The following LRMDA variants were observed in gnomAD, a reference collection of about 807,000 sequenced individuals.
LRMDA encodes the protein leucine rich melanocyte differentiation associated.
A neutral mutation model predicts 29.8 loss-of-function variants in LRMDA; 18 were observed. The observed-to-expected ratio is 0.60, with a 90% CI of 0.42 to 0.90. The LOEUF is 0.90. Among genes scored for constraint, LRMDA ranks in the 40% least tolerant of loss-of-function variants. LRMDA has a pLI of 0.00. For missense variants in LRMDA, 273 were observed against 273.9 expected, an observed-to-expected ratio of 1.00 and a Z score of 0.02; for synonymous variants, 125 against 109.4, an observed-to-expected ratio of 1.14 and a Z score of -0.89.
chr10:76,455,294 T>C (rs933088082), intron 6 of LRMDA, among the ~76,000 whole-genome samples: 1 of 152,172 alleles, frequency 6.6e-6, no homozygotes, highest in Non-Finnish European at 1.5e-5. Flanking sequence ...AAATATAAGA[T>C]ATATTGATGG....
rs367552302 is a variant in LRMDA, at chr10:75,750,205, C to T, written c.132-285803C>T. On this transcript the variant is annotated intron_variant, in intron 2 of 6. Coordinates refer to ENST00000611255, the MANE Select transcript of LRMDA (RefSeq NM_001305581.2). ...CTCCTCACTTCCCAGATGGGGTGGT[C>T]GGGCAGAGGCGCCCCCCACCTCCCG... 1.8e-4 allele frequency among the ~76,000 whole-genome samples: 26 copies of T among 142,374 alleles called. No individual in the cohort carries two copies. The East Asian group carries it at 2.0e-3, about 11-fold the overall frequency. The allele number at this position is 142,374 out of a possible 152,430, so 93.4% of individuals were successfully genotyped here.
Position 75,657,712 on chromosome 10 carries a change from T to C in LRMDA, c.131+219218T>C, listed in dbSNP as rs1421574815. Reference sequence around the variant, plus strand: ...AATGGCATTTGACCTGTAATGGTATTTAGGTTTGCTTCCAGGGTGAGAGAG... The same window carrying C: ...AATGGCATTTGACCTGTAATGGTATCTAGGTTTGCTTCCAGGGTGAGAGAG... On this transcript the variant is annotated intron_variant, in intron 2 of 6. Coordinates refer to ENST00000611255, the MANE Select transcript of LRMDA (RefSeq NM_001305581.2). 2.0e-5 allele frequency among the ~76,000 whole-genome samples: 3 copies of C among 152,162 alleles called. No homozygotes were observed. In the East Asian group the frequency reaches 5.8e-4, roughly 29 times the overall value.
At chr10:75,702,256 C>T (rs1842317163) in intron 2 of LRMDA, among the ~76,000 whole-genome samples, 1 of 152,182 alleles carries the variant, frequency 6.6e-6, no homozygotes, top group African/African-American at 2.4e-5. Context: ...TGCAGACCAT[C>T]ATCTCTCAGA....
At chr10:75,836,892 T>C (rs1200113200) in intron 2 of LRMDA, among the ~76,000 whole-genome samples, 3 of 152,212 alleles carry the variant, frequency 2.0e-5, no homozygotes, top group Admixed American at 1.3e-4. Context: ...AGGTGCATTA[T>C]AATGTCATTG....
chr10:75,874,436 G>T (rs1417871531), intron 2 of LRMDA, among the ~76,000 whole-genome samples: 3 of 152,172 alleles, frequency 2.0e-5, no homozygotes, highest in Non-Finnish European at 4.4e-5. Flanking sequence ...TTAAAATGGG[G>T]CAGAATTGTT....
chr10:75,798,645 T>C (rs1435875660), intron 2 of LRMDA, among the ~76,000 whole-genome samples: 1 of 152,140 alleles, frequency 6.6e-6, no homozygotes, highest in African/African-American at 2.4e-5. Flanking sequence ...CATCCATGGA[T>C]TATGCTATGT....
chr10:76,378,858 C>CTTTTTTTTTCT (rs1554817037), intron 6 of LRMDA, among the ~76,000 whole-genome samples: 77 of 118,968 alleles, frequency 6.5e-4, no homozygotes, highest in African/African-American at 2.4e-3. Context: ...CTTTTTTTTT[C>CTTTTTTTTTCT]TTTTTTTTTT....
intron 2 of LRMDA, among the ~76,000 whole-genome samples, chr10:76,012,197 G>A (rs1281087312): frequency 1.3e-5 from 2 of 152,168 alleles, no homozygotes; most frequent in African/African-American, 4.8e-5. Context: ...CAAGCCCTTG[G>A]TCTGCACTGG....
At chr10:75,637,712 G>A (rs137972141) in intron 2 of LRMDA, among the ~76,000 whole-genome samples, 1 of 152,308 alleles carries the variant, frequency 6.6e-6, no homozygotes, top group African/African-American at 2.4e-5. Flanking sequence ...ATTTTACATT[G>A]ATCACGGGAG....
At chr10:75,709,530 G>A (rs935543725) in intron 2 of LRMDA, among the ~76,000 whole-genome samples, 1 of 151,956 alleles carries the variant, frequency 6.6e-6, no homozygotes. Flanking sequence ...CATATCTCTT[G>A]GTGGTTTCTG....
intron 6 of LRMDA, among the ~76,000 whole-genome samples, chr10:76,465,337 C>T (rs779532147): frequency 1.3e-5 from 2 of 152,054 alleles, no homozygotes; most frequent in Non-Finnish European, 2.9e-5. Context: ...AATTGTAAGA[C>T]CTGTGTGTGT....
chr10:76,118,072 C>T (rs1267215712), intron 5 of LRMDA, among the ~76,000 whole-genome samples: 1 of 152,150 alleles, frequency 6.6e-6, no homozygotes, highest in Non-Finnish European at 1.5e-5. Context: ...CCCAGCTTTG[C>T]TTTTAGTAGG....
chr10:76,111,248 T>C (rs1357404509), intron 5 of LRMDA, among the ~76,000 whole-genome samples: 1 of 152,268 alleles, frequency 6.6e-6, no homozygotes, highest in African/African-American at 2.4e-5. Flanking sequence ...CATGTCTTTA[T>C]GTGTTATTTT....
intron 5 of LRMDA, among the ~76,000 whole-genome samples, chr10:76,155,720 C>T (rs533703582): frequency 3.7e-4 from 57 of 152,164 alleles, no homozygotes; most frequent in Admixed American, 3.1e-3. Context: ...ATTGTTTAAG[C>T]GCCTAAACTT....
At chr10:75,468,162 G>T (rs556777703) in intron 2 of LRMDA, among the ~76,000 whole-genome samples, 2 of 152,288 alleles carry the variant, frequency 1.3e-5, no homozygotes, top group East Asian at 3.9e-4. Context: ...TTTGATTTTA[G>T]GGGAGAGGTT....
intron 5 of LRMDA, among the ~76,000 whole-genome samples, chr10:76,147,717 G>A (rs58327644): frequency 0.11 from 17,218 of 152,086 alleles, 1,117 homozygotes; most frequent in East Asian, 0.24. Flanking sequence ...GCTTTGTTCC[G>A]TTGCTGGTGA....
At chr10:76,126,120 C>T (rs1231259295) in intron 5 of LRMDA, among the ~76,000 whole-genome samples, 2 of 152,198 alleles carry the variant, frequency 1.3e-5, no homozygotes, top group East Asian at 3.9e-4. Flanking sequence ...CTGACTAACA[C>T]ATTCCCGGAC....
intron 5 of LRMDA, among the ~76,000 whole-genome samples, chr10:76,158,938 A>G (rs759922320): frequency 9.9e-5 from 15 of 152,186 alleles, no homozygotes; most frequent in Non-Finnish European, 1.9e-4. Context: ...AATTAGATAG[A>G]TAAAATGCAT....
intron 2 of LRMDA, among the ~76,000 whole-genome samples, chr10:75,734,246 CAA>C (rs1842733273): frequency 6.6e-6 from 1 of 152,040 alleles, no homozygotes; most frequent in Non-Finnish European, 1.5e-5. Flanking sequence ...AGAGCTGAGT[CAA>C]AAGAGAGAAA....
Sources: gnomAD v4.1 joint callset for allele counts (sites outside exome capture counted in the v4.1 genomes callset) on GRCh38, gnomAD v4.1.1 for gene constraint, MANE v1.5 for transcripts, NCBI Gene and HGNC (gene_info 2026-07-23, HGNC 2026-07-21) for gene names.